Variants in FANCI observed in about 807,000 individuals in gnomAD.
The protein encoded by FANCI is Fanconi anemia group I protein.
FANCI carries 156 observed loss-of-function variants against 176.1 expected under a neutral mutation model. The ratio of observed to expected loss-of-function variants is 0.89; its 90% CI spans 0.78 to 1.01. The LOEUF is 1.01. Ranked by LOEUF, FANCI falls within the 50% of genes least tolerant of loss-of-function variation. FANCI has a pLI of 0.00. For missense variants in FANCI, 1,678 were observed against 1,534.1 expected (o/e 1.09, Z -1.57); for synonymous variants, 613 against 541.7 (o/e 1.13, Z -1.83).
intron 2 of FANCI, among the ~76,000 whole-genome samples, chr15:89,254,471 T>C (rs1376174061): frequency 7.9e-5 from 12 of 152,306 alleles, no homozygotes; most frequent in Middle Eastern, 3.4e-3. Context: ...AATCTGGGAC[T>C]ATTTGAGCAT....
In FANCI at chr15:89,312,958, G is replaced by T. The variant is rs377165815; in HGVS notation, c.3706G>T (p.Val1236Phe). 1.2e-6 allele frequency: 2 copies of T among 1,613,888 alleles called. No homozygotes were observed. The highest frequency in any genetic ancestry group is 1.7e-6 in the Non-Finnish European group (2 of 1,179,954). The change falls in exon 35 of 38, where the codon GTT (valine) becomes TTT (phenylalanine). Residue 1236 changes from valine (V) to phenylalanine (F), a missense_variant. Transcript: ENST00000310775. Reference protein sequence around the residue: ...TGEKKEKPAAVATAMARVLRE... With the variant: ...TGEKKEKPAAFATAMARVLRE... ...AGAGAAAAAGGAGAAACCTGCTGCCGTTGCCACAGCCATGGTAAGCTGCTG... is the reference window on the plus strand; with the variant it reads ...AGAGAAAAAGGAGAAACCTGCTGCCTTTGCCACAGCCATGGTAAGCTGCTG...
chr15:89,305,524 T>C, intron 30 of FANCI, 81 bp from the exon 31 acceptor site: 1 of 1,581,870 alleles, frequency 6.3e-7, no homozygotes, highest in Non-Finnish European at 8.7e-7. Flanking sequence ...AACCCACCTG[T>C]AGGTGGCCAG....
chr15:89,314,846 C>G (rs868672734), intron 36 of FANCI, 139 bp downstream of exon 36: 40 of 550,784 alleles, frequency 7.3e-5, no homozygotes, highest in South Asian at 6.9e-4. Context: ...TCCCCCCCCC[C>G]CCCTTTTTTT....
intron 18 of FANCI, among the ~76,000 whole-genome samples, chr15:89,289,176 T>C (rs188784973): frequency 5.6e-4 from 85 of 152,314 alleles, no homozygotes; most frequent in Non-Finnish European, 1.0e-3. Context: ...TTTAAAATTT[T>C]GCCTGTAGAT....
intron 18 of FANCI, among the ~76,000 whole-genome samples, chr15:89,287,666 A>C (rs968042062): frequency 2.0e-5 from 3 of 152,206 alleles, no homozygotes; most frequent in African/African-American, 7.2e-5. Flanking sequence ...CTTTTGATTT[A>C]AAGTGAGAGA....
At chr15:89,257,096 C>T (rs1162707153) in intron 2 of FANCI, among the ~76,000 whole-genome samples, 6 of 152,122 alleles carry the variant, frequency 3.9e-5, no homozygotes, top group South Asian at 2.1e-4. Flanking sequence ...TTAGTAGAGA[C>T]GGGGTTTCAC....
rs1320944819 is a variant in FANCI, at chr15:89,289,344, C to A, written c.1822-869C>A. Reference sequence around the variant, plus strand: ...ATGGAGTCTCACTCTGTTGCCCAGACTGGAATGCAGTGGTGCGGTCTCGGG... The same window carrying A: ...ATGGAGTCTCACTCTGTTGCCCAGAATGGAATGCAGTGGTGCGGTCTCGGG... On this transcript the variant is annotated intron_variant, in intron 18 of 37. Coordinates refer to ENST00000310775, the MANE Select transcript of FANCI (RefSeq NM_001113378.2). Among the ~76,000 whole-genome samples, 51 of 152,244 alleles carry A rather than the reference C, an allele frequency of 3.3e-4. 1 individual carries two copies. Among genetic ancestry groups the A allele is most frequent in the Admixed American group, 6.5e-5 (1 of 15,286 alleles).
Position 89,278,702 on chromosome 15 carries a change from A to G in FANCI, c.1309A>G (p.Arg437Gly). ...LETFKIHEMI[R>G]QEILEQVLNR... Reference sequence around the variant, plus strand: ...TTCTTTTTAGATCCATGAGATGATCAGACAAGAAATTTTGGAGCAGGTCCT... The same window carrying G: ...TTCTTTTTAGATCCATGAGATGATCGGACAAGAAATTTTGGAGCAGGTCCT... Residue 437 changes from arginine to glycine, a missense_variant, in exon 14 of 38, where the codon AGA becomes GGA. Around this residue, in one of 3 missense-constraint regions of FANCI, gnomAD observed 1,204 missense variants for 1,077.4 expected, o/e 1.12. Coordinates refer to ENST00000310775, the MANE Select transcript of FANCI (RefSeq NM_001113378.2). The G allele has an allele frequency of 1.2e-6, 2 of 1,613,598 alleles. No homozygotes were observed. Among genetic ancestry groups the G allele is most frequent in the Non-Finnish European group, 1.7e-6 (2 of 1,179,540 alleles).
chr15:89,281,448 G>A (rs1309316727), intron 15 of FANCI, 148 bp downstream of exon 15: 4 of 968,534 alleles, frequency 4.1e-6, no homozygotes, highest in Non-Finnish European at 1.6e-6. Context: ...AAGGGCAAGA[G>A]CATTGAGCAA....
intron 37 of FANCI, among the ~76,000 whole-genome samples, chr15:89,315,859 A>G (rs1413997973): frequency 3.3e-5 from 5 of 152,076 alleles, no homozygotes; most frequent in Admixed American, 2.0e-4. Context: ...CCGCATCCCC[A>G]TCCCTGCACC....
intron 2 of FANCI, among the ~76,000 whole-genome samples, chr15:89,253,810 G>A (rs1175206937): frequency 6.9e-6 from 1 of 144,376 alleles, no homozygotes; most frequent in East Asian, 2.1e-4. Context: ...AAGATAAACT[G>A]TATTTTAAAA....
Position 89,291,740 on chromosome 15 carries a change from C to A in FANCI, c.1992+26C>A, listed in dbSNP as rs752598678. ...GTGAGACTTTTATTCTTCCTTCAAC[C>A]ATTATTTTTAGTATTAAGGATAGGG... On this transcript the variant is annotated intron_variant, in intron 20 of 37. Coordinates refer to ENST00000310775, the MANE Select transcript of FANCI (RefSeq NM_001113378.2). 3 of 1,575,246 alleles carry A rather than the reference C, an allele frequency of 1.9e-6. 1 individual carries two copies. In the South Asian group the frequency reaches 3.3e-5, roughly 17 times the overall value.
chr15:89,294,106 A>C, intron 23 of FANCI, 109 bp downstream of exon 23: 1 of 1,261,818 alleles, frequency 7.9e-7, no homozygotes, highest in Non-Finnish European at 1.1e-6. Context: ...GAAATAAGTC[A>C]GGAGGTTTTA....
At position 89,263,997 on chromosome 15, in the gene FANCI, G is replaced by A; in HGVS notation, c.640G>A (p.Val214Ile). Residue 214 changes from valine (V) to isoleucine (I), a missense_variant, in exon 8 of 38, where the codon GTC (valine) becomes ATC (isoleucine). Coordinates refer to ENST00000310775, the MANE Select transcript of FANCI (RefSeq NM_001113378.2). ...GAATCTTCAAGAAATACCACCTTTG[G>A]TCTATCAGCTTCTGGTTCTCTCCTC... ...KMNLQEIPPLVYQLLVLSSKG... is the reference protein window; with the variant it reads ...KMNLQEIPPLIYQLLVLSSKG... The A allele has an allele frequency of 6.2e-7, 1 of 1,614,028 alleles. No individual in the cohort carries two copies. Among genetic ancestry groups the A allele is most frequent in the Non-Finnish European group, 8.5e-7 (1 of 1,179,936 alleles).
chr15:89,274,383 C>G (rs1451139164), intron 12 of FANCI, 79 bp downstream of exon 12: 2 of 1,507,462 alleles, frequency 1.3e-6, no homozygotes, highest in Non-Finnish European at 1.8e-6. Flanking sequence ...ATACTTGCAG[C>G]CTGTGAGGGG....
intron 9 of FANCI, 43 bp downstream of exon 9, chr15:89,264,650 C>G: frequency 1.3e-6 from 2 of 1,527,392 alleles, no homozygotes; most frequent in East Asian, 2.3e-5. Flanking sequence ...TTTACAAATT[C>G]ATCTTCTCAT....
intron 12 of FANCI, among the ~76,000 whole-genome samples, chr15:89,275,025 C>G (rs1298586019): frequency 6.6e-6 from 1 of 151,854 alleles, no homozygotes; most frequent in Non-Finnish European, 1.5e-5. Flanking sequence ...AAGTGATGCT[C>G]CCACCTCAGT....
chr15:89,306,615 C>G (rs1047862569), intron 32 of FANCI, among the ~76,000 whole-genome samples: 2 of 150,202 alleles, frequency 1.3e-5, no homozygotes. Context: ...TCGCTTGAAC[C>G]CAGGAGGCGG....
chr15:89,317,052 G>A lies in FANCI; in HGVS notation c.*593G>A. On this transcript the variant is annotated 3_prime_UTR_variant, in exon 38 of 38. Transcript: ENST00000310775. Reference sequence around the variant, plus strand: ...ATAAGCTTTCTGATTTACTTGTTTGGTATTTAAAGCACAGTTTGTTTTTCT... The same window carrying A: ...ATAAGCTTTCTGATTTACTTGTTTGATATTTAAAGCACAGTTTGTTTTTCT... 1 of 592,830 alleles carries A rather than the reference G, an allele frequency of 1.7e-6. No homozygotes were observed. The highest frequency in any genetic ancestry group is 3.0e-6 in the Non-Finnish European group (1 of 335,666). 36.7% of individuals were successfully genotyped at this position (592,830 alleles called of 1,614,324 possible).
Sources: gnomAD v4.1 joint callset for allele counts (sites outside exome capture counted in the v4.1 genomes callset) on GRCh38, gnomAD v4.1.1 for gene constraint, gnomAD v4.1.1 regional missense constraint, MANE v1.5 for transcripts, NCBI Gene and HGNC (gene_info 2026-07-23, HGNC 2026-07-21) for gene names.